The following RABGEF1 variants were observed in gnomAD, a reference collection of about 807,000 sequenced individuals.
The protein encoded by RABGEF1 is RAB guanine nucleotide exchange factor 1.
RABGEF1 carries 26 observed loss-of-function variants against 57.3 expected under a neutral mutation model. The observed-to-expected ratio is 0.45, with a 90% confidence interval of 0.33 to 0.63. RABGEF1 has a LOEUF of 0.63. Among genes scored for constraint, RABGEF1 ranks in the 20% least tolerant of loss-of-function variants. RABGEF1 has a pLI of 0.02. For synonymous variants in RABGEF1, 185 were observed against 210.7 expected (o/e 0.88, Z 1.06); for missense variants, 464 against 607.6 (o/e 0.76, Z 2.48).
chr7:66,782,918 AG>A (rs1745350551), intron 3 of RABGEF1, among the ~76,000 whole-genome samples: 1 of 152,236 alleles, frequency 6.6e-6, no homozygotes, highest in African/African-American at 2.4e-5. Flanking sequence ...ATGTGGTCAA[AG>A]ACCAAGTGGT....
At chr7:66,803,012 TAA>T (rs1247486404) in intron 7 of RABGEF1, among the ~76,000 whole-genome samples, 1 of 152,152 alleles carries the variant, frequency 6.6e-6, no homozygotes, top group Non-Finnish European at 1.5e-5. Context: ...AAAATGGCTT[TAA>T]AAAATCTTAC....
chr7:66,684,057 G>C (rs1229746739), intron 1 of RABGEF1, among the ~76,000 whole-genome samples: 5 of 152,150 alleles, frequency 3.3e-5, no homozygotes, highest in Admixed American at 6.5e-5. Flanking sequence ...TTATTAAAGA[G>C]AAAAAGTACA....
chr7:66,675,321 TC>T, the RABGEF1 span, among the ~76,000 whole-genome samples: 4 of 151,982 alleles, frequency 2.6e-5, no homozygotes, highest in African/African-American at 9.7e-5. Context: ...TCCCAGCTAT[TC>T]GGGGGGCCGA....
rs551295256 is a variant in RABGEF1 at position 66,768,375 on chromosome 7, TA to T, written c.-17-3505del. Among the ~76,000 whole-genome samples the T allele has an allele frequency of 2.6e-5, 4 of 152,356 alleles. No individual in the cohort carries two copies. The East Asian group carries it at 7.7e-4, about 29-fold the overall frequency. On this transcript the variant is annotated intron_variant, in intron 1 of 8. Coordinates refer to ENST00000284957, the MANE Select transcript of RABGEF1 (RefSeq NM_014504.3). ...TCTGTTGAGGTTTTTTGCTCATTTT[TA>T]AATTGGGTGGTTTGTTTTCTGACAT...
chr7:66,671,123 A>G, the RABGEF1 span, among the ~76,000 whole-genome samples: 1 of 152,200 alleles, frequency 6.6e-6, no homozygotes, highest in South Asian at 2.1e-4. Flanking sequence ...TTGGCCTCCC[A>G]AAATGCTGGT....
intron 7 of RABGEF1, among the ~76,000 whole-genome samples, chr7:66,800,828 C>T (rs1022590196): frequency 1.3e-5 from 2 of 152,148 alleles, no homozygotes; most frequent in African/African-American, 4.8e-5. Flanking sequence ...GTTCACTGGG[C>T]GACAGCTGGT....
intron 4 of RABGEF1, among the ~76,000 whole-genome samples, chr7:66,787,663 C>G (rs966656163): frequency 6.6e-6 from 1 of 152,094 alleles, no homozygotes; most frequent in African/African-American, 2.4e-5. Context: ...ATTTAAGAAT[C>G]TCACCTTAAC....
Position 66,805,007 on chromosome 7 carries a change from T to C in RABGEF1, c.821-133T>C, listed in dbSNP as rs1788130906. On this transcript the variant is annotated intron_variant, in intron 7 of 8. Coordinates refer to ENST00000284957, the MANE Select transcript of RABGEF1 (RefSeq NM_014504.3). ...TGAGATCATATTTACTAAGTTATTA[T>C]ATACTAAGTTAACTGCTGGAAAAGG... is the stretch of plus-strand genomic sequence containing the variant. 8 of 997,902 alleles carry C rather than the reference T, an allele frequency of 8.0e-6. No homozygotes were observed. In the Admixed American group the frequency reaches 2.2e-4, roughly 27 times the overall value. 61.8% of individuals were successfully genotyped at this position (997,902 alleles called of 1,614,324 possible). A position where few individuals can be genotyped will look rare whatever the true frequency, so the allele number is the denominator to read the frequency against.
At chr7:66,720,436 G>A (rs1053218077) in intron 2 of RABGEF1, among the ~76,000 whole-genome samples, 11 of 150,360 alleles carry the variant, frequency 7.3e-5, no homozygotes, top group Non-Finnish European at 1.2e-4. Flanking sequence ...AGCCTCAAGC[G>A]ATCCACTCAC....
chr7:66,691,513 A>G (rs1011033528), intron 1 of RABGEF1, among the ~76,000 whole-genome samples: 2 of 152,128 alleles, frequency 1.3e-5, no homozygotes, highest in Admixed American at 1.3e-4. Flanking sequence ...CAAAAAACAT[A>G]TACACATGGT....
intron 1 of RABGEF1, among the ~76,000 whole-genome samples, chr7:66,744,462 A>C (rs1799736116): frequency 6.6e-6 from 1 of 151,774 alleles, no homozygotes; most frequent in Non-Finnish European, 1.5e-5. Flanking sequence ...AGGTCAGGAG[A>C]TCAAGACCAT....
At chr7:66,671,691 A>T in the RABGEF1 span, among the ~76,000 whole-genome samples, 105 of 152,268 alleles carry the variant, frequency 6.9e-4, no homozygotes, top group African/African-American at 2.4e-3. Context: ...GCGTGGTGGC[A>T]CTTATCTATA....
intron 1 of RABGEF1, among the ~76,000 whole-genome samples, chr7:66,694,431 G>A (rs1792018068): frequency 6.6e-6 from 1 of 152,262 alleles, no homozygotes; most frequent in Admixed American, 6.5e-5. Flanking sequence ...GAGTTGGACG[G>A]AACATAAGGT....
At chr7:66,671,171 C>T in the RABGEF1 span, among the ~76,000 whole-genome samples, 2 of 151,696 alleles carry the variant, frequency 1.3e-5, no homozygotes, top group African/African-American at 4.8e-5. Context: ...TTTGTTTTTT[C>T]GGGGGCTGCA....
intron 4 of RABGEF1, among the ~76,000 whole-genome samples, chr7:66,794,915 G>A (rs1432678014): frequency 6.6e-6 from 1 of 152,156 alleles, no homozygotes; most frequent in Non-Finnish European, 1.5e-5. Flanking sequence ...AAATAGAAAT[G>A]TACATAAAAT....
intron 1 of RABGEF1, among the ~76,000 whole-genome samples, chr7:66,745,316 A>C (rs1206222938): frequency 1.3e-5 from 2 of 152,154 alleles, no homozygotes; most frequent in Non-Finnish European, 1.5e-5. Flanking sequence ...GTGTGAGCTT[A>C]ATTTCTGGCA....
chr7:66,807,689 C>G (rs1035154692), intron 8 of RABGEF1: 2 of 152,220 alleles, frequency 1.3e-5, no homozygotes, highest in African/African-American at 4.8e-5. Context: ...AATGCCATGT[C>G]TCCATTCACC....
chr7:66,773,858 G>A, intron 2 of RABGEF1: 1 of 417,142 alleles, frequency 2.4e-6, no homozygotes, highest in Admixed American at 2.6e-5. Context: ...TAGAGACAGG[G>A]TTTCACCATG....
At chr7:66,696,689 C>CAAAAAA (rs71049476) in intron 1 of RABGEF1, among the ~76,000 whole-genome samples, 40 of 66,012 alleles carry the variant, frequency 6.1e-4, no homozygotes, top group African/African-American at 9.3e-4. Context: ...GACTCCGTCT[C>CAAAAAA]AAAAAAAAAA....
Sources: allele counts gnomAD v4.1 joint callset (sites outside exome capture counted in the v4.1 genomes callset), GRCh38; gene constraint gnomAD v4.1.1; transcripts MANE v1.5; gene names NCBI Gene and HGNC (gene_info 2026-07-23, HGNC 2026-07-21).